The following CACNA1E variants were observed in gnomAD, a reference collection of about 807,000 sequenced individuals.
CACNA1E encodes the protein calcium voltage-gated channel subunit alpha1 E, also known as voltage-dependent R-type calcium channel subunit alpha-1E.
A neutral mutation model predicts 259.2 loss-of-function variants in CACNA1E; 40 were observed. The ratio of observed to expected loss-of-function variants is 0.15; its 90% confidence interval spans 0.12 to 0.20. CACNA1E has a LOEUF of 0.20. Ranked by LOEUF, CACNA1E falls within the 10% of genes least tolerant of loss-of-function variation. CACNA1E has a pLI of 1.00. For missense variants in CACNA1E, 1,874 were observed against 3,040.1 expected (o/e 0.62, Z 9.02); for synonymous variants, 1,104 against 1,138.5 (o/e 0.97, Z 0.61).
At chr1:181,655,679 A>G (rs532003749) in intron 7 of CACNA1E, among the ~76,000 whole-genome samples, 1 of 152,346 alleles carries the variant, frequency 6.6e-6, no homozygotes, top group African/African-American at 2.4e-5. Flanking sequence ...AAGAAGAGGA[A>G]TTGATTCCCA....
Position 181,720,353 on chromosome 1 carries a change from C to T in CACNA1E, c.1883+16C>T. ...TTGGAGGCAGGTAAGTGCCCAGAAG[C>T]TTTCCATCCAAAGGAGGCTCAAAAC... is the stretch of plus-strand genomic sequence containing the variant. On this transcript the variant is annotated intron_variant, in intron 14 of 47. Transcript: ENST00000367573. 6.2e-7 allele frequency: 1 copy of T among 1,609,222 alleles called. No individual in the cohort carries two copies.
chr1:181,557,347 C>T (rs1023359515), intron 3 of CACNA1E, among the ~76,000 whole-genome samples: 36 of 152,194 alleles, frequency 2.4e-4, no homozygotes, highest in Non-Finnish European at 3.8e-4. Flanking sequence ...ACTGAGTTTT[C>T]TGTACAGCCT....
intron 25 of CACNA1E, among the ~76,000 whole-genome samples, chr1:181,746,297 A>G (rs796708624): frequency 7.9e-5 from 12 of 152,354 alleles, no homozygotes; most frequent in African/African-American, 2.6e-4. Context: ...GGGTCTTTAG[A>G]ATTTTTAAAG....
intron 7 of CACNA1E, among the ~76,000 whole-genome samples, chr1:181,702,277 CCAGCAA>C (rs1229013368): frequency 6.6e-6 from 1 of 152,040 alleles, no homozygotes; most frequent in Non-Finnish European, 1.5e-5. Flanking sequence ...CGTCCACCAG[CCAGCAA>C]GTCCTCCTAG....
chr1:181,762,247 G>A (rs939010116), intron 32 of CACNA1E, among the ~76,000 whole-genome samples: 1 of 152,164 alleles, frequency 6.6e-6, no homozygotes, highest in Non-Finnish European at 1.5e-5. Context: ...TGCCTCCATA[G>A]AGGTTTTTAA....
At chr1:181,390,215 G>A (rs1054057555) in intron 1 of CACNA1E, among the ~76,000 whole-genome samples, 6 of 152,174 alleles carry the variant, frequency 3.9e-5, no homozygotes, top group East Asian at 1.9e-4. Flanking sequence ...CAGCGATGGC[G>A]CCAGGGTTCC....
chr1:181,736,172 G>T, intron 21 of CACNA1E, 103 bp from the exon 22 acceptor site: 1 of 1,385,412 alleles, frequency 7.2e-7, no homozygotes, highest in East Asian at 2.5e-5. Flanking sequence ...GGACATCCCT[G>T]GAGCCCTTTC....
chr1:181,756,260 CA>C (rs1658078585), intron 29 of CACNA1E, among the ~76,000 whole-genome samples, 167 bp downstream of exon 29: 1 of 152,142 alleles, frequency 6.6e-6, no homozygotes, highest in South Asian at 2.1e-4. Flanking sequence ...GAAAATTCTT[CA>C]GGCAAAAATA....
chr1:181,579,907 G>A (rs1393572001), intron 5 of CACNA1E, among the ~76,000 whole-genome samples: 1 of 152,148 alleles, frequency 6.6e-6, no homozygotes, highest in Admixed American at 6.5e-5. Flanking sequence ...AGGGAGCTCT[G>A]AGCTTGGTTT....
chr1:181,468,271 A>G (rs1045971798), intron 2 of CACNA1E, among the ~76,000 whole-genome samples: 1 of 152,188 alleles, frequency 6.6e-6, no homozygotes, highest in South Asian at 2.1e-4. Context: ...GCCTCCACGC[A>G]TTGGGTCATT....
At chr1:181,749,356 G>C (rs1187608990) in intron 25 of CACNA1E, among the ~76,000 whole-genome samples, 1 of 152,158 alleles carries the variant, frequency 6.6e-6, no homozygotes, top group African/African-American at 2.4e-5. Flanking sequence ...CTTAGGCAAG[G>C]CACTTCCTCC....
At chr1:181,674,332 G>T (rs1331380961) in intron 7 of CACNA1E, among the ~76,000 whole-genome samples, 1 of 140,232 alleles carries the variant, frequency 7.1e-6, no homozygotes, top group Non-Finnish European at 1.5e-5. Flanking sequence ...GGCGGAGCTT[G>T]CAGTGAGCCG....
At chr1:181,442,604 A>C (rs1283987075) in intron 2 of CACNA1E, among the ~76,000 whole-genome samples, 2 of 152,174 alleles carry the variant, frequency 1.3e-5, no homozygotes, top group Admixed American at 6.5e-5. Context: ...GCAGGCCAGC[A>C]CAGCCTATTG....
At chr1:181,652,683 T>G (rs1042323609) in intron 7 of CACNA1E, among the ~76,000 whole-genome samples, 4 of 152,098 alleles carry the variant, frequency 2.6e-5, no homozygotes, top group African/African-American at 9.7e-5. Context: ...AAAGGACTGA[T>G]GCAAAGTCCT....
At chr1:181,616,500 G>A (rs1655221659) in intron 6 of CACNA1E, among the ~76,000 whole-genome samples, 1 of 152,216 alleles carries the variant, frequency 6.6e-6, no homozygotes, top group South Asian at 2.1e-4. Context: ...GGATCATGAG[G>A]TCGAGATTGA....
chr1:181,482,435 T>G (rs1243543051), upstream of CACNA1E, among the ~76,000 whole-genome samples: 3 of 152,212 alleles, frequency 2.0e-5, no homozygotes, highest in Admixed American at 2.0e-4. Context: ...CGGCATTACT[T>G]GGGGGAAAGG....
chr1:181,348,435 T>C, intron 1 of CACNA1E, among the ~76,000 whole-genome samples: 1 of 151,882 alleles, frequency 6.6e-6, no homozygotes, highest in East Asian at 1.9e-4. Context: ...AAAGCGTGAG[T>C]GATCTGAGGA....
intron 40 of CACNA1E, 43 bp from the exon 41 acceptor site, chr1:181,784,618 T>C (rs1418929649): frequency 4.4e-6 from 6 of 1,358,058 alleles, no homozygotes; most frequent in South Asian, 1.3e-5. Context: ...GTCCTGGTTA[T>C]TTCTGGGTCT....
Position 181,781,531 on chromosome 1 carries a change from A to ACC in CACNA1E, c.5364+11_5364+12dup. The ACC allele has an allele frequency of 1.4e-6, 2 of 1,424,660 alleles. No homozygotes were observed. Among genetic ancestry groups the ACC allele is most frequent in the Admixed American group, 3.5e-5 (2 of 56,488 alleles). 88.3% of individuals were successfully genotyped at this position (1,424,660 alleles called of 1,614,324 possible). A position where few individuals can be genotyped will look rare whatever the true frequency, so the allele number is the denominator to read the frequency against. The stretch of plus-strand genomic sequence containing the variant: ...TCCAAAGTGGCATATAAGGTAGACC[A>ACC]CCCCTTCCTTTGCTCTGGGCTACAG... On this transcript the variant is annotated intron_variant, in intron 39 of 47. Coordinates refer to ENST00000367573, the MANE Select transcript of CACNA1E (RefSeq NM_001205293.3).
Sources: gnomAD v4.1 joint callset for allele counts (sites outside exome capture counted in the v4.1 genomes callset) on GRCh38, gnomAD v4.1.1 for gene constraint, MANE v1.5 for transcripts, NCBI Gene and HGNC (gene_info 2026-07-23, HGNC 2026-07-21) for gene names.